TENM3: variants seen among roughly 807,000 people sequenced by gnomAD.
TENM3 encodes the protein teneurin-3.
Under a neutral mutation model 255.1 loss-of-function variants are expected in TENM3, and 63 were observed. That is an observed-to-expected ratio of 0.25 (90% CI 0.20 to 0.30). The LOEUF (loss-of-function observed/expected upper bound fraction) is 0.30. Ranked by LOEUF, TENM3 falls within the 10% of genes least tolerant of loss-of-function variation. TENM3 has a pLI of 1.00. For missense variants in TENM3, 2,929 were observed against 3,461.1 expected (o/e 0.85, Z 3.86); for synonymous variants, 1,306 against 1,322.3 (o/e 0.99, Z 0.27).
At chr4:181,986,528 T>G in the TENM3 span, among the ~76,000 whole-genome samples, 1 of 151,978 alleles carries the variant, frequency 6.6e-6, no homozygotes, top group Non-Finnish European at 1.5e-5. Flanking sequence ...CTGGTGGGGG[T>G]TTGCCCTTGG....
the TENM3 span, among the ~76,000 whole-genome samples, chr4:181,872,728 T>C: frequency 2.6e-5 from 4 of 152,140 alleles, 1 homozygote; most frequent in African/African-American, 9.7e-5. Flanking sequence ...TTAATTTTAT[T>C]AGCCTTGGTA....
At chr4:181,920,891 G>A in the TENM3 span, among the ~76,000 whole-genome samples, 473 of 152,166 alleles carry the variant, frequency 3.1e-3, 1 homozygote, top group East Asian at 0.019. Flanking sequence ...TCTTTAATCC[G>A]TCTTGAATTG....
At chr4:182,067,955 G>C in the TENM3 span, among the ~76,000 whole-genome samples, 1 of 152,000 alleles carries the variant, frequency 6.6e-6, no homozygotes, top group Non-Finnish European at 1.5e-5. Context: ...TTAGTGGATT[G>C]TGGCTGCCAG....
chr4:181,736,933 T>G, the TENM3 span, among the ~76,000 whole-genome samples: 1 of 152,050 alleles, frequency 6.6e-6, no homozygotes, highest in African/African-American at 2.4e-5. Context: ...GAGAAACACG[T>G]GGCCCATAAC....
At chr4:182,105,750 G>T in the TENM3 span, among the ~76,000 whole-genome samples, 8 of 152,164 alleles carry the variant, frequency 5.3e-5, no homozygotes, top group Non-Finnish European at 2.9e-5. Context: ...TTATGTAGCG[G>T]ATTGATTGAT....
chr4:181,975,135 C>CT, the TENM3 span: 60,027 of 119,270 alleles, frequency 0.5, 16,032 homozygotes, highest in Non-Finnish European at 0.56. Flanking sequence ...TGGAGTAGCT[C>CT]TTTTTTTTTT....
chr4:181,659,541 A>G, the TENM3 span, among the ~76,000 whole-genome samples: 4 of 152,230 alleles, frequency 2.6e-5, no homozygotes, highest in Admixed American at 2.0e-4. Context: ...TTCTCAGTGC[A>G]TTTCCATTAA....
chr4:181,629,671 T>C, the TENM3 span, among the ~76,000 whole-genome samples: 8 of 152,306 alleles, frequency 5.3e-5, no homozygotes, highest in East Asian at 1.4e-3. Context: ...CAGCCTTGCA[T>C]CCCAGGGATG....
At chr4:182,527,409 A>C (rs1187892343) in intron 3 of TENM3, among the ~76,000 whole-genome samples, 2 of 152,168 alleles carry the variant, frequency 1.3e-5, no homozygotes, top group Non-Finnish European at 2.9e-5. Context: ...AATGAAGGAA[A>C]GGCTCGTGAT....
Position 182,364,790 on chromosome 4 carries a change from C to T in TENM3, c.511+17861C>T, listed in dbSNP as rs1041313908. Among the ~76,000 whole-genome samples the T allele has an allele frequency of 2.6e-5, 4 of 152,124 alleles. No individual in the cohort carries two copies. The East Asian group carries it at 5.8e-4, about 22-fold the overall frequency. On this transcript the variant is annotated intron_variant, in intron 3 of 27. Coordinates refer to ENST00000511685, the MANE Select transcript of TENM3 (RefSeq NM_001080477.4). ...TCTATAACATAGTACTTTTTTCATGCCATGATTTATCATAATTTAACATAT... is the reference window on the plus strand; with the variant it reads ...TCTATAACATAGTACTTTTTTCATGTCATGATTTATCATAATTTAACATAT...
chr4:181,921,341 C>T, the TENM3 span, among the ~76,000 whole-genome samples: 10 of 152,082 alleles, frequency 6.6e-5, no homozygotes, highest in Admixed American at 3.3e-4. Context: ...GCCATTTTTA[C>T]GATATCGATT....
the TENM3 span, among the ~76,000 whole-genome samples, chr4:181,522,011 G>A: frequency 1.4e-4 from 20 of 145,828 alleles, no homozygotes; most frequent in Non-Finnish European, 2.4e-4. Flanking sequence ...TGAGGCAGGA[G>A]AATGGCGTGA....
the TENM3 span, among the ~76,000 whole-genome samples, chr4:181,776,769 ATTTGT>A: frequency 2.6e-5 from 4 of 151,626 alleles, no homozygotes. Flanking sequence ...TAATGAGATT[ATTTGT>A]TTTGTTTTGT....
the TENM3 span, among the ~76,000 whole-genome samples, chr4:181,612,986 A>G: frequency 6.6e-6 from 1 of 152,212 alleles, no homozygotes; most frequent in African/African-American, 2.4e-5. Context: ...AATAGGTCTT[A>G]AGTTTCTCTA....
chr4:181,729,121 T>C, the TENM3 span, among the ~76,000 whole-genome samples: 1 of 152,226 alleles, frequency 6.6e-6, no homozygotes, highest in African/African-American at 2.4e-5. Context: ...TAATAAATGC[T>C]GTGATGTCCC....
chr4:181,899,972 T>C, the TENM3 span, among the ~76,000 whole-genome samples: 1 of 152,200 alleles, frequency 6.6e-6, no homozygotes, highest in African/African-American at 2.4e-5. Flanking sequence ...GGACAAATTT[T>C]TTAACCTTTC....
chr4:182,230,379 C>G (rs1756479883), intron 1 of TENM3, among the ~76,000 whole-genome samples: 1 of 152,158 alleles, frequency 6.6e-6, no homozygotes, highest in Non-Finnish European at 1.5e-5. Flanking sequence ...TCTAGCTACT[C>G]AGCACGTGCA....
At chr4:182,329,422 T>G (rs1763619097) in intron 2 of TENM3, among the ~76,000 whole-genome samples, 1 of 152,272 alleles carries the variant, frequency 6.6e-6, no homozygotes, top group South Asian at 2.1e-4. Context: ...TTTCTCCCTC[T>G]GATAGGGTGA....
chr4:182,280,982 G>C (rs1760345112), intron 1 of TENM3, among the ~76,000 whole-genome samples: 1 of 152,172 alleles, frequency 6.6e-6, no homozygotes, highest in African/African-American at 2.4e-5. Context: ...GGTTCTGGGA[G>C]AACACAGTAG....
Sources: allele counts gnomAD v4.1 joint callset (sites outside exome capture counted in the v4.1 genomes callset), GRCh38; gene constraint gnomAD v4.1.1; transcripts MANE v1.5; gene names NCBI Gene and HGNC (gene_info 2026-07-23, HGNC 2026-07-21).